KIAA1671: variants seen among roughly 807,000 people sequenced by gnomAD.
The protein encoded by KIAA1671 is uncharacterized protein KIAA1671.
KIAA1671 carries 52 observed loss-of-function variants against 131.2 expected under a neutral mutation model. The observed-to-expected ratio is 0.40, with a 90% CI of 0.32 to 0.50. The LOEUF is 0.50. Among genes scored for constraint, KIAA1671 ranks in the 20% least tolerant of loss-of-function variants. The pLI is 0.73. For synonymous variants in KIAA1671, 1,003 were observed against 961.6 expected (o/e 1.04, Z -0.80); for missense variants, 2,360 against 2,364.2 (o/e 1.00, Z 0.04).
chr22:25,094,970 G>A (rs1316400654), intron 6 of KIAA1671, among the ~76,000 whole-genome samples: 3 of 152,150 alleles, frequency 2.0e-5, no homozygotes, highest in African/African-American at 7.2e-5. Flanking sequence ...TGGGGATACT[G>A]TAGTAGACAA....
chr22:25,160,539 G>C (rs1340747162), intron 6 of KIAA1671, among the ~76,000 whole-genome samples: 3 of 152,022 alleles, frequency 2.0e-5, no homozygotes, highest in African/African-American at 7.2e-5. Context: ...CTCCTCTTCT[G>C]CTCTCCCTCC....
rs1310982103 is a variant in KIAA1671, at chr22:25,045,146, G to C, written c.4395+3621G>C. Among the ~76,000 whole-genome samples, 15 of 151,850 alleles carry C rather than the reference G, an allele frequency of 9.9e-5. No individual in the cohort carries two copies. The South Asian group carries it at 3.1e-3, about 32-fold the overall frequency. On this transcript the variant is annotated intron_variant, in intron 5 of 12. Transcript: ENST00000358431. ...ACTGCACTCCAGCCTGGGCGACAGAGAGAGACTCCGTCTCAAAGAAAAAAA... is the reference window on the plus strand; with the variant it reads ...ACTGCACTCCAGCCTGGGCGACAGACAGAGACTCCGTCTCAAAGAAAAAAA...
intron 6 of KIAA1671, among the ~76,000 whole-genome samples, chr22:25,090,606 C>G (rs901010267): frequency 6.6e-6 from 1 of 152,254 alleles, no homozygotes; most frequent in African/African-American, 2.4e-5. Context: ...GGGCTGGCCC[C>G]TTCTGCCTCT....
intron 3 of KIAA1671, among the ~76,000 whole-genome samples, chr22:25,029,910 C>G (rs1602080766): frequency 6.6e-6 from 1 of 152,330 alleles, no homozygotes; most frequent in South Asian, 2.1e-4. Flanking sequence ...CATAGCTAAG[C>G]CTTTCTTCCC....
intron 6 of KIAA1671, among the ~76,000 whole-genome samples, chr22:25,152,663 C>T (rs1252221699): frequency 2.0e-5 from 3 of 152,184 alleles, no homozygotes; most frequent in Non-Finnish European, 2.9e-5. Context: ...AATGCAGTGG[C>T]GCGATCTTGG....
At chr22:25,187,910 A>G (rs745931960) in intron 11 of KIAA1671, among the ~76,000 whole-genome samples, 36 of 152,364 alleles carry the variant, frequency 2.4e-4, no homozygotes, top group Middle Eastern at 3.4e-3. Flanking sequence ...AGTACCATGT[A>G]GATGGTGGCT....
intron 6 of KIAA1671, among the ~76,000 whole-genome samples, chr22:25,126,476 A>G (rs968140468): frequency 2.6e-5 from 4 of 152,234 alleles, no homozygotes; most frequent in African/African-American, 9.6e-5. Context: ...AAAGGTAGCC[A>G]TGCTGGCAGA....
At chr22:24,968,446 C>A (rs754666462) in intron 1 of KIAA1671, among the ~76,000 whole-genome samples, 1 of 152,156 alleles carries the variant, frequency 6.6e-6, no homozygotes, top group African/African-American at 2.4e-5. Flanking sequence ...CACCTGGGTC[C>A]GGAGCCATGC....
intron 1 of KIAA1671, among the ~76,000 whole-genome samples, chr22:25,008,190 T>A (rs1333904538): frequency 1.2e-5 from 1 of 83,028 alleles, no homozygotes; most frequent in Non-Finnish European, 2.1e-5. Context: ...AGAGTGAGAC[T>A]CCGTCGCAAA....
intron 4 of KIAA1671, 66 bp from the exon 5 acceptor site, chr22:25,038,694 C>T (rs1926744798): frequency 2.8e-6 from 4 of 1,444,020 alleles, no homozygotes; most frequent in South Asian, 1.4e-5. Context: ...AATTACTCCA[C>T]TTTTTCCTTT....
chr22:25,190,921 G>T, intron 12 of KIAA1671, 137 bp downstream of exon 12: 7 of 632,994 alleles, frequency 1.1e-5, no homozygotes, highest in Non-Finnish European at 2.0e-5. Context: ...AATGAGGGGT[G>T]GGGGGTGTTC....
intron 5 of KIAA1671, among the ~76,000 whole-genome samples, chr22:25,042,964 T>G (rs1927031419): frequency 6.6e-6 from 1 of 152,148 alleles, no homozygotes; most frequent in Non-Finnish European, 1.5e-5. Context: ...TTCCAATCCC[T>G]CTGTCCTTGC....
intron 1 of KIAA1671, among the ~76,000 whole-genome samples, chr22:24,981,618 A>C (rs1279313301): frequency 6.6e-6 from 1 of 152,188 alleles, no homozygotes; most frequent in Non-Finnish European, 1.5e-5. Flanking sequence ...TGTATTCAAA[A>C]GGAAAACTCG....
intron 1 of KIAA1671, among the ~76,000 whole-genome samples, chr22:24,954,120 A>G (rs4140486): frequency 0.17 from 26,258 of 151,978 alleles, 3,011 homozygotes; most frequent in East Asian, 0.64. Flanking sequence ...CCTACTTGCT[A>G]TCTTTTGAAA....
intron 1 of KIAA1671, among the ~76,000 whole-genome samples, chr22:24,997,579 G>A (rs1330273545): frequency 6.6e-6 from 1 of 152,150 alleles, no homozygotes; most frequent in Non-Finnish European, 1.5e-5. Flanking sequence ...TGGGAGGCTG[G>A]TGGGGCTGGT....
At chr22:25,034,984 G>T (rs945387380) in intron 4 of KIAA1671, among the ~76,000 whole-genome samples, 8 of 150,244 alleles carry the variant, frequency 5.3e-5, no homozygotes, top group African/African-American at 2.0e-4. Flanking sequence ...TGAGCCACCT[G>T]CCTCGGCCTC....
intron 10 of KIAA1671, among the ~76,000 whole-genome samples, chr22:25,184,066 C>G (rs1934386192): frequency 6.6e-6 from 1 of 152,194 alleles, no homozygotes; most frequent in South Asian, 2.1e-4. Context: ...TCTGGCCATT[C>G]ATTCATCAGT....
intron 6 of KIAA1671, among the ~76,000 whole-genome samples, chr22:25,114,475 C>G (rs1275043072): frequency 1.3e-5 from 2 of 152,256 alleles, no homozygotes; most frequent in Non-Finnish European, 2.9e-5. Context: ...TGCAGTGTTG[C>G]AGATAAGTCA....
chr22:25,068,585 C>T (rs189472441), intron 6 of KIAA1671, among the ~76,000 whole-genome samples: 81 of 152,266 alleles, frequency 5.3e-4, no homozygotes, highest in African/African-American at 1.8e-3. Context: ...TACAGGCGCC[C>T]GCCTCCGCGG....
Sources: gnomAD v4.1 joint callset for allele counts (sites outside exome capture counted in the v4.1 genomes callset) on GRCh38, gnomAD v4.1.1 for gene constraint, MANE v1.5 for transcripts, NCBI Gene and HGNC (gene_info 2026-07-23, HGNC 2026-07-21) for gene names.